OSR2: variants seen among roughly 807,000 people sequenced by gnomAD.
OSR2 encodes odd-skipped related transciption factor 2, also known as protein odd-skipped-related 2.
OSR2 carries 8 observed loss-of-function variants against 22.3 expected under a neutral mutation model. The observed-to-expected ratio is 0.36, with a 90% CI of 0.21 to 0.65. OSR2 has a LOEUF of 0.65. OSR2 is among the 30% of genes least tolerant of loss of function. The pLI, the probability that OSR2 is intolerant of heterozygous loss-of-function variation, is 0.66. For synonymous variants in OSR2, 179 were observed against 173.8 expected (o/e 1.03, Z -0.23); for missense variants, 311 against 413.4 (o/e 0.75, Z 2.15).
At chr8:98,947,375 G>A (rs1178331662) in intron 1 of OSR2, among the ~76,000 whole-genome samples, 1 of 151,992 alleles carries the variant, frequency 6.6e-6, no homozygotes, top group Non-Finnish European at 1.5e-5. Flanking sequence ...TTCATAACGC[G>A]CTGGAGAGGA....
intron 1 of OSR2, chr8:98,946,175 A>G (rs1157794326): frequency 6.6e-6 from 1 of 152,254 alleles, no homozygotes; most frequent in Non-Finnish European, 1.5e-5. Context: ...CAACATATTT[A>G]TGACTTTTCA....
Position 98,951,763 on chromosome 8 carries a change from C to T in OSR2, c.*62C>T, listed in dbSNP as rs1840790483. The T allele has an allele frequency of 3.9e-6, 6 of 1,522,972 alleles. No homozygotes were observed. Among genetic ancestry groups the T allele is most frequent in the Non-Finnish European group, 4.4e-6 (5 of 1,130,906 alleles). 94.3% of individuals were successfully genotyped at this position (1,522,972 alleles called of 1,614,324 possible). Reference sequence around the variant, plus strand: ...CCTCCCCAGACACCTCTCCACGTCTCCTACCCAGGGGGTCGCATCCCTAGC... The same window carrying T: ...CCTCCCCAGACACCTCTCCACGTCTTCTACCCAGGGGGTCGCATCCCTAGC... On this transcript the variant is annotated 3_prime_UTR_variant, in exon 4 of 4. Coordinates refer to ENST00000297565, the MANE Select transcript of OSR2 (RefSeq NM_001142462.3).
intron 1 of OSR2, among the ~76,000 whole-genome samples, chr8:98,945,874 C>T (rs797022105): frequency 2.6e-5 from 4 of 152,326 alleles, no homozygotes; most frequent in African/African-American, 7.2e-5. Context: ...ACCTATCCGA[C>T]CATCAGTCAT....
rs565937883 is a variant in OSR2 at position 98,949,358 on chromosome 8, C to T, written c.406C>T (p.Leu136=). Residue 136 remains leucine, a synonymous_variant, in exon 2 of 4, where the codon CTG becomes TTG. Transcript: ENST00000297565. The surrounding 1 kb of genome is among the most constrained non-coding windows in gnomAD (Gnocchi z 5.9). ...TQEDPPKMGD[L]SKLSPGLGSP... is the part of the protein sequence containing the mutation. ...AGAGGATCCGCCTAAGATGGGAGAC[C>T]TGAGCAAGCTGAGCCCAGGACTGGG... is the stretch of plus-strand genomic sequence containing the variant. The T allele has an allele frequency of 6.2e-7, 1 of 1,612,562 alleles. No homozygotes were observed. Among genetic ancestry groups the T allele is most frequent in the South Asian group, 1.1e-5 (1 of 90,848 alleles).
rs1304292272 is a variant in OSR2, at chr8:98,948,732, G to C, written c.-114-107G>C. On this transcript the variant is annotated intron_variant, in intron 1 of 3. Transcript: ENST00000297565. This position sits in a 1 kb window ranked among gnomAD's most constrained non-coding sequence, Gnocchi z 6.0. ...GGCTTTCGGGGGGTCTTGGAGTCGG[G>C]TGGGGAGGGAGACTTAGGTGTGGTA... 8.3e-6 allele frequency: 11 copies of C among 1,332,720 alleles called. No individual in the cohort carries two copies. In the East Asian group the frequency reaches 2.5e-4, roughly 31 times the overall value. 82.6% of individuals were successfully genotyped at this position (1,332,720 alleles called of 1,614,324 possible).
In OSR2 at chr8:98,948,860, T is replaced by C. The variant is rs1840693411; in HGVS notation, c.-93T>C. The C allele has an allele frequency of 6.2e-7, 1 of 1,608,422 alleles. No individual in the cohort carries two copies. The highest frequency in any genetic ancestry group is 1.7e-5 in the Admixed American group (1 of 59,550). ...TTAGGGCTTTCTCTACGTGCTGTTG[T>C]CTCACTGGGTTTTTGTCGGAGCCCC... On this transcript the variant is annotated 5_prime_UTR_variant, in exon 2 of 4. Transcript: ENST00000297565. The surrounding 1 kb of genome is among the most constrained non-coding windows in gnomAD (Gnocchi z 6.0).
In OSR2 at chr8:98,944,762, G is replaced by C. The variant is rs1054588798; in HGVS notation, c.-176G>C. The C allele has an allele frequency of 3.3e-5, 5 of 152,290 alleles. No homozygotes were observed. Among genetic ancestry groups the C allele is most frequent in the African/African-American group, 1.2e-4 (5 of 41,460 alleles). The allele number at this position is 152,290 out of a possible 1,614,324, so 9.4% of individuals were successfully genotyped here. On this transcript the variant is annotated 5_prime_UTR_variant, in exon 1 of 4. Transcript: ENST00000297565. ...GTGGACTCAATGACCTTTCCAAGCT[G>C]TGCGCCTCGCTGCCTGGACCGGGTC...
chr8:98,948,553 C>T lies in OSR2; in HGVS notation c.-114-286C>T, dbSNP rs541419589. 3.7e-4 allele frequency: 466 copies of T among 1,261,374 alleles called. No individual in the cohort carries two copies. Among genetic ancestry groups the T allele is most frequent in the Non-Finnish European group, 4.3e-4 (411 of 948,178 alleles). 78.1% of individuals were successfully genotyped at this position (1,261,374 alleles called of 1,614,324 possible). A position where few individuals can be genotyped will look rare whatever the true frequency, so the allele number is the denominator to read the frequency against. ...CTGTCCGCCTTTCGTTTTCCTGGGA[C>T]CGAGGAGTCTTCCGCTCCGTATCTG... On this transcript the variant is annotated intron_variant, in intron 1 of 3. Coordinates refer to ENST00000297565, the MANE Select transcript of OSR2 (RefSeq NM_001142462.3). This position sits in a 1 kb window ranked among gnomAD's most constrained non-coding sequence, Gnocchi z 6.0.
Position 98,948,033 on chromosome 8 carries a change from C to T in OSR2, c.-114-806C>T, listed in dbSNP as rs1840661634. 1.0e-5 allele frequency: 11 copies of T among 1,054,170 alleles called. No individual in the cohort carries two copies. The highest frequency in any genetic ancestry group is 1.7e-5 in the African/African-American group (1 of 60,282). The allele number at this position is 1,054,170 out of a possible 1,614,324, so 65.3% of individuals were successfully genotyped here. A position where few individuals can be genotyped will look rare whatever the true frequency, so the allele number is the denominator to read the frequency against. On this transcript the variant is annotated intron_variant, in intron 1 of 3. Coordinates refer to ENST00000297565, the MANE Select transcript of OSR2 (RefSeq NM_001142462.3). The surrounding 1 kb of genome is among the most constrained non-coding windows in gnomAD (Gnocchi z 6.0). ...ACGTTCTCCGCCCCCACCCCACCCCCTGGGAGCCTGAACCATCTGGAAGGG... is the reference window on the plus strand; with the variant it reads ...ACGTTCTCCGCCCCCACCCCACCCCTTGGGAGCCTGAACCATCTGGAAGGG...
intron 3 of OSR2, chr8:98,951,163 G>A (rs985085086): frequency 2.3e-6 from 1 of 443,904 alleles, no homozygotes; most frequent in Middle Eastern, 5.8e-4. Context: ...CAGCAAAGAG[G>A]AGCCTTATTA....
chr8:98,947,883 G>A (rs1445945379), intron 1 of OSR2, among the ~76,000 whole-genome samples: 3 of 151,986 alleles, frequency 2.0e-5, no homozygotes, highest in African/African-American at 2.4e-5. Flanking sequence ...CTCCTCTCTC[G>A]TCTCCTGGGG....
chr8:98,947,903 TGGAG>T (rs1840657487), intron 1 of OSR2, among the ~76,000 whole-genome samples: 1 of 151,888 alleles, frequency 6.6e-6, no homozygotes, highest in Non-Finnish European at 1.5e-5. Flanking sequence ...GCATCCCGGG[TGGAG>T]GGATGTAGGG....
At chr8:98,945,380 G>C (rs1840576814) in intron 1 of OSR2, among the ~76,000 whole-genome samples, 1 of 152,220 alleles carries the variant, frequency 6.6e-6, no homozygotes, top group Non-Finnish European at 1.5e-5. Context: ...GGGCTTAAAC[G>C]CTCGGATTCC....
At position 98,949,744 on chromosome 8, in the gene OSR2, G is replaced by A. The variant is rs1840728054; in HGVS notation, c.656+136G>A. 8.4e-6 allele frequency: 9 copies of A among 1,071,652 alleles called. No homozygotes were observed. The highest frequency in any genetic ancestry group is 1.6e-5 in the African/African-American group (1 of 62,634). 66.4% of individuals were successfully genotyped at this position (1,071,652 alleles called of 1,614,324 possible). A position where few individuals can be genotyped will look rare whatever the true frequency, so the allele number is the denominator to read the frequency against. ...CACCCTCAGTCACGCTCCTCAGCCC[G>A]GTTCAGCTAATTCCCAACATCTACC... On this transcript the variant is annotated intron_variant, in intron 2 of 3. Coordinates refer to ENST00000297565, the MANE Select transcript of OSR2 (RefSeq NM_001142462.3). The surrounding 1 kb of genome is among the most constrained non-coding windows in gnomAD (Gnocchi z 5.9).
Position 98,949,029 on chromosome 8 carries a change from C to T in OSR2, c.77C>T (p.Ala26Val). 6.2e-7 allele frequency: 1 copy of T among 1,613,964 alleles called. No homozygotes were observed. The highest frequency in any genetic ancestry group is 1.1e-5 in the South Asian group (1 of 91,086). ...LQLTNYSFLQ[A>V]VNTFPATVDH... ...CTCACCAATTACTCCTTCCTGCAGG[C>T]CGTGAACACCTTCCCGGCCACGGTG... is the stretch of plus-strand genomic sequence containing the variant. Residue 26 changes from alanine (A) to valine (V), a missense_variant, in exon 2 of 4, where the codon GCC becomes GTC. By Grantham distance (64) the Ala-to-Val change is moderately conservative. Around this residue, in one of 5 missense-constraint regions of OSR2, gnomAD observed 146 missense variants for 160.5 expected, o/e 0.91. Coordinates refer to ENST00000297565, the MANE Select transcript of OSR2 (RefSeq NM_001142462.3). This position sits in a 1 kb window ranked among gnomAD's most constrained non-coding sequence, Gnocchi z 5.9.
rs377034097 is a variant in OSR2 at position 98,949,202 on chromosome 8, C to G, written c.250C>G (p.Pro84Ala). 44 of 1,590,312 alleles carry G rather than the reference C, an allele frequency of 2.8e-5. No individual in the cohort carries two copies. Among genetic ancestry groups the G allele is most frequent in the Admixed American group, 5.1e-5 (3 of 58,662 alleles). ...GCAGGGCCTCGTGGACGCGCGCTTC[C>G]CCTTCCCGGCCCTGCCTTTTACCAC... ...AAQGLVDARF[P>A]FPALPFTTHL... Residue 84 changes from proline (P) to alanine (A), a missense_variant, in exon 2 of 4, where the codon CCC becomes GCC. Transcript: ENST00000297565. The surrounding 1 kb of genome is among the most constrained non-coding windows in gnomAD (Gnocchi z 5.9).
In OSR2 at chr8:98,949,218, C is replaced by A; in HGVS notation, c.266C>A (p.Pro89His). The A allele has an allele frequency of 6.3e-7, 1 of 1,592,656 alleles. No individual in the cohort carries two copies. Among genetic ancestry groups the A allele is most frequent in the Non-Finnish European group, 8.6e-7 (1 of 1,167,418 alleles). ...VDARFPFPAL[P>H]FTTHLFHPKQ... is the part of the protein sequence containing the mutation. ...GCGCGCTTCCCCTTCCCGGCCCTGC[C>A]TTTTACCACCCACCTATTCCACCCC... Residue 89 changes from proline (P) to histidine (H), a missense_variant, in exon 2 of 4, where the codon CCT becomes CAT. By Grantham distance (77) the Pro-to-His change is moderately conservative. Around this residue, in one of 5 missense-constraint regions of OSR2, gnomAD observed 146 missense variants for 160.5 expected, o/e 0.91. Coordinates refer to ENST00000297565, the MANE Select transcript of OSR2 (RefSeq NM_001142462.3). This position sits in a 1 kb window ranked among gnomAD's most constrained non-coding sequence, Gnocchi z 5.9.
In OSR2 at chr8:98,949,026, A is replaced by T; in HGVS notation, c.74A>T (p.Gln25Leu). The change falls in exon 2 of 4, where the codon CAG becomes CTG. Residue 25 changes from glutamine (Q) to leucine (L), a missense_variant. Physicochemically the swap from Gln to Leu is moderately radical, Grantham distance 113. Coordinates refer to ENST00000297565, the MANE Select transcript of OSR2 (RefSeq NM_001142462.3). This position sits in a 1 kb window ranked among gnomAD's most constrained non-coding sequence, Gnocchi z 5.9. ...CAGCTCACCAATTACTCCTTCCTGC[A>T]GGCCGTGAACACCTTCCCGGCCACG... ...SLQLTNYSFLQAVNTFPATVD... is the reference protein window; with the variant it reads ...SLQLTNYSFLLAVNTFPATVD... 6.2e-7 allele frequency: 1 copy of T among 1,613,968 alleles called. No homozygotes were observed. The highest frequency in any genetic ancestry group is 8.5e-7 in the Non-Finnish European group (1 of 1,179,904).
rs533457233 is a variant in OSR2, at chr8:98,944,939, A to T, written c.-115+116A>T. 3 of 152,268 alleles carry T rather than the reference A, an allele frequency of 2.0e-5. No individual in the cohort carries two copies. The East Asian group carries it at 5.8e-4, about 29-fold the overall frequency. 9.4% of individuals were successfully genotyped at this position (152,268 alleles called of 1,614,324 possible). A position where few individuals can be genotyped will look rare whatever the true frequency, so the allele number is the denominator to read the frequency against. The stretch of plus-strand genomic sequence containing the variant: ...GCCCCAAATTCAGATGTGAAAATAG[A>T]TCATGGGGATGCAATCCCAGGGCAC... On this transcript the variant is annotated intron_variant, in intron 1 of 3. Coordinates refer to ENST00000297565, the MANE Select transcript of OSR2 (RefSeq NM_001142462.3).
Sources: gnomAD v4.1 joint callset for allele counts (sites outside exome capture counted in the v4.1 genomes callset) on GRCh38, gnomAD v4.1.1 for gene constraint, gnomAD v4.1.1 regional missense constraint, Gnocchi (gnomAD v3.1) non-coding constraint, MANE v1.5 for transcripts, NCBI Gene and HGNC (gene_info 2026-07-23, HGNC 2026-07-21) for gene names.